ADGRL3: variants seen among roughly 807,000 people sequenced by gnomAD.
The protein encoded by ADGRL3 is calcium-independent alpha-latrotoxin receptor 3.
ADGRL3 carries 62 observed loss-of-function variants against 153.5 expected under a neutral mutation model. That is an observed-to-expected ratio of 0.40 (90% CI 0.33 to 0.50). ADGRL3 has a LOEUF of 0.50. Ranked by LOEUF, ADGRL3 falls within the 20% of genes least tolerant of loss-of-function variation. ADGRL3 has a pLI of 0.47. For missense variants in ADGRL3, 1,641 were observed against 1,859.4 expected, an observed-to-expected ratio of 0.88 and a Z score of 2.16; for synonymous variants, 710 against 672.5, an observed-to-expected ratio of 1.06 and a Z score of -0.86.
chr4:61,877,407 G>C (rs898446947), intron 9 of ADGRL3, among the ~76,000 whole-genome samples: 7 of 152,148 alleles, frequency 4.6e-5, no homozygotes, highest in Non-Finnish European at 7.4e-5. Flanking sequence ...TAGTTGGTAT[G>C]AATACAAAGG....
intron 5 of ADGRL3, among the ~76,000 whole-genome samples, chr4:61,675,454 TA>T (rs1473122349): frequency 1.3e-5 from 2 of 151,880 alleles, no homozygotes; most frequent in Non-Finnish European, 2.9e-5. Flanking sequence ...TTTTTGAATT[TA>T]GAACGTTTCT....
chr4:62,009,578 A>G (rs2099174665), intron 21 of ADGRL3, among the ~76,000 whole-genome samples: 1 of 152,166 alleles, frequency 6.6e-6, no homozygotes, highest in South Asian at 2.1e-4. Flanking sequence ...ATAATGTTTT[A>G]GTGCCAGGAT....
intron 6 of ADGRL3, among the ~76,000 whole-genome samples, chr4:61,701,723 C>T (rs900271959): frequency 3.3e-5 from 5 of 151,886 alleles, no homozygotes; most frequent in African/African-American, 9.7e-5. Flanking sequence ...AGACATGAGC[C>T]GCTGCGCAGA....
At chr4:61,569,429 G>C (rs1184509759) in intron 4 of ADGRL3, among the ~76,000 whole-genome samples, 2 of 152,182 alleles carry the variant, frequency 1.3e-5, no homozygotes, top group Middle Eastern at 3.4e-3. Flanking sequence ...GTCACTCACA[G>C]TTTTCCTTCA....
intron 21 of ADGRL3, among the ~76,000 whole-genome samples, chr4:61,999,100 A>T (rs181432616): frequency 2.0e-5 from 3 of 152,318 alleles, no homozygotes; most frequent in Admixed American, 6.5e-5. Context: ...TCCTAATGTA[A>T]ATAGATACTT....
chr4:61,935,857 T>G (rs2150152629), intron 14 of ADGRL3, 66 bp from the exon 15 acceptor site: 1 of 1,435,766 alleles, frequency 7.0e-7, no homozygotes, highest in South Asian at 1.4e-5. Flanking sequence ...ACTGCAATGG[T>G]TTAGGAAATT....
chr4:61,350,535 G>A (rs1017807984), intron 1 of ADGRL3, among the ~76,000 whole-genome samples: 1 of 152,096 alleles, frequency 6.6e-6, no homozygotes, highest in African/African-American at 2.4e-5. Context: ...GAAGATTTGG[G>A]ACAATCCTTC....
chr4:61,327,184 C>T (rs957338432), intron 1 of ADGRL3, among the ~76,000 whole-genome samples: 23 of 151,870 alleles, frequency 1.5e-4, no homozygotes, highest in African/African-American at 4.8e-4. Context: ...GAGCACCCGA[C>T]GGGCTTGCTA....
At chr4:61,423,675 G>A (rs1223261087) in intron 2 of ADGRL3, among the ~76,000 whole-genome samples, 2 of 152,136 alleles carry the variant, frequency 1.3e-5, no homozygotes, top group African/African-American at 4.8e-5. Flanking sequence ...TGTAAGAGCT[G>A]GGATTAGTAG....
At chr4:61,983,952 A>G (rs979950404) in intron 19 of ADGRL3, among the ~76,000 whole-genome samples, 2 of 152,158 alleles carry the variant, frequency 1.3e-5, no homozygotes, top group African/African-American at 2.4e-5. Context: ...AGTCCCTGAC[A>G]TTGCTGGCTT....
rs1258361865 is a variant in ADGRL3 at position 61,817,974 on chromosome 4, TATC to T, written c.1480+4089_1480+4091del. Among the ~76,000 whole-genome samples, 5 of 151,990 alleles carry T rather than the reference TATC, an allele frequency of 3.3e-5. No homozygotes were observed. The South Asian group carries it at 6.2e-4, about 19-fold the overall frequency. On this transcript the variant is annotated intron_variant, in intron 9 of 26. Transcript: ENST00000683033. ...TTTGGGTAGAGACACAGCCAAACCATATCATCCCATCCCAGCCCCTCCCAAATC... is the reference window on the plus strand; with the variant it reads ...TTTGGGTAGAGACACAGCCAAACCATATCCCATCCCAGCCCCTCCCAAATC...
intron 2 of ADGRL3, among the ~76,000 whole-genome samples, chr4:61,462,957 C>A (rs1282364754): frequency 6.6e-6 from 1 of 152,116 alleles, no homozygotes; most frequent in Non-Finnish European, 1.5e-5. Context: ...TGCTTTTTTC[C>A]ACCTCCAAGG....
chr4:61,523,300 C>T (rs2098541695), intron 4 of ADGRL3, among the ~76,000 whole-genome samples: 1 of 152,120 alleles, frequency 6.6e-6, no homozygotes, highest in Non-Finnish European at 1.5e-5. Flanking sequence ...AATTTTGCTA[C>T]AGCAACGGAA....
intron 8 of ADGRL3, among the ~76,000 whole-genome samples, chr4:61,757,826 T>G (rs150719592): frequency 0.087 from 13,191 of 152,118 alleles, 1,210 homozygotes; most frequent in African/African-American, 0.23. Flanking sequence ...TTGTGTCTTT[T>G]TTCTCGTTGA....
chr4:61,807,749 C>T (rs920732538), intron 8 of ADGRL3, among the ~76,000 whole-genome samples: 2 of 151,976 alleles, frequency 1.3e-5, no homozygotes, highest in Non-Finnish European at 2.9e-5. Flanking sequence ...GATGCATTCT[C>T]GAATAATTTA....
chr4:61,768,240 T>G (rs1483920314), intron 8 of ADGRL3, among the ~76,000 whole-genome samples: 3 of 152,062 alleles, frequency 2.0e-5, no homozygotes, highest in African/African-American at 2.4e-5. Context: ...AGAAGGAAAC[T>G]GTAAGCCAGA....
intron 2 of ADGRL3, among the ~76,000 whole-genome samples, chr4:61,452,244 G>T (rs776783914): frequency 2.0e-5 from 3 of 152,118 alleles, no homozygotes; most frequent in Non-Finnish European, 4.4e-5. Flanking sequence ...GGACTGCTCT[G>T]GAAGGTCATC....
chr4:61,848,861 G>A (rs1465101692), intron 9 of ADGRL3, among the ~76,000 whole-genome samples: 1 of 152,116 alleles, frequency 6.6e-6, no homozygotes, highest in Non-Finnish European at 1.5e-5. Flanking sequence ...AATACACTGA[G>A]GATTTTCTAA....
chr4:61,938,862 C>CAAAAA lies in ADGRL3; in HGVS notation c.2419+2838_2419+2842dup, dbSNP rs71213019. On this transcript the variant is annotated intron_variant, in intron 15 of 26. Coordinates refer to ENST00000683033, the MANE Select transcript of ADGRL3 (RefSeq NM_001387552.1). ...TTAGATGTTAAATAACCCTCCTCCTCAAAAAAAAAAAAAAAAAAAAAAAAA... is the reference window on the plus strand; with the variant it reads ...TTAGATGTTAAATAACCCTCCTCCTCAAAAAAAAAAAAAAAAAAAAAAAAAAAAAA... Among the ~76,000 whole-genome samples, 12 of 71,520 alleles carry CAAAAA rather than the reference C, an allele frequency of 1.7e-4. 1 individual carries two copies. In the South Asian group the frequency reaches 2.2e-3, roughly 13 times the overall value. The allele number at this position is 71,520 out of a possible 152,430, so 46.9% of individuals were successfully genotyped here.
Sources: gnomAD v4.1 joint callset for allele counts (sites outside exome capture counted in the v4.1 genomes callset) on GRCh38, gnomAD v4.1.1 for gene constraint, MANE v1.5 for transcripts, NCBI Gene and HGNC (gene_info 2026-07-23, HGNC 2026-07-21) for gene names.